Variants in MYO1H observed in about 807,000 individuals in gnomAD.
The protein encoded by MYO1H is unconventional myosin-Ih.
A neutral mutation model predicts 149.3 loss-of-function variants in MYO1H; 118 were observed. The ratio of observed to expected loss-of-function variants is 0.79; its 90% CI spans 0.68 to 0.92. The LOEUF is 0.92. Among genes scored for constraint, MYO1H ranks in the 40% least tolerant of loss-of-function variants. MYO1H has a pLI of 0.00. For synonymous variants in MYO1H, 447 were observed against 465.2 expected (o/e 0.96, Z 0.50); for missense variants, 1,212 against 1,280.7 (o/e 0.95, Z 0.82).
rs1483847511 is a variant in MYO1H, at chr12:109,395,634, C to A, written c.291-750C>A. 2.0e-5 allele frequency among the ~76,000 whole-genome samples: 3 copies of A among 151,936 alleles called. No homozygotes were observed. In the South Asian group the frequency reaches 6.2e-4, roughly 32 times the overall value. ...CTTATAATCCCAGCTACTCGGGAGA[C>A]CGTGGCATGAGAATCGCTTGAACTT... On this transcript the variant is annotated intron_variant, in intron 3 of 31. Transcript: ENST00000310903.
chr12:109,439,437 G>GC (rs1195580778), intron 23 of MYO1H, 194 bp from the exon 24 acceptor site: 2 of 479,674 alleles, frequency 4.2e-6, no homozygotes, highest in Non-Finnish European at 7.3e-6. Flanking sequence ...GCTAATTAAA[G>GC]CTCCTCAAAA....
chr12:109,432,736 C>T (rs1871685882), intron 19 of MYO1H, among the ~76,000 whole-genome samples, 161 bp from the exon 20 acceptor site: 1 of 152,172 alleles, frequency 6.6e-6, no homozygotes, highest in African/African-American at 2.4e-5. Flanking sequence ...TTGCAAAGTA[C>T]CCATCTTTGA....
At chr12:109,343,616 G>A (rs1403239641), upstream of MYO1H, among the ~76,000 whole-genome samples, 12 of 152,070 alleles carry the variant, frequency 7.9e-5, no homozygotes, top group Admixed American at 7.9e-4. Flanking sequence ...TAACAGAATC[G>A]AACGATCACA....
chr12:109,395,901 TTTG>T (rs200011746), intron 3 of MYO1H, among the ~76,000 whole-genome samples: 2 of 151,392 alleles, frequency 1.3e-5, no homozygotes, highest in East Asian at 2.0e-4. Context: ...GTTGGTTTGT[TTTG>T]TTGTTGTTGA....
intron 1 of MYO1H, among the ~76,000 whole-genome samples, chr12:109,386,994 TCGTGTGTG>T (rs1869349072): frequency 1.0e-5 from 1 of 96,230 alleles, no homozygotes; most frequent in South Asian, 3.8e-4. Context: ...CATCTCAAGT[TCGTGTGTG>T]TGTGTGTGTG....
At chr12:109,444,333 C>CAA (rs1327384423) in intron 29 of MYO1H, 50 bp downstream of exon 29, 14 of 1,581,868 alleles carry the variant, frequency 8.9e-6, no homozygotes, top group African/African-American at 2.7e-5. Flanking sequence ...AATACACTGC[C>CAA]AAAATGTTAA....
At chr12:109,424,724 G>A in intron 16 of MYO1H, 24 bp from the exon 17 acceptor site, 1 of 1,594,572 alleles carries the variant, frequency 6.3e-7, no homozygotes, top group South Asian at 1.1e-5. Flanking sequence ...AGCGAACGTG[G>A]TACTCATTTC....
At chr12:109,385,758 A>G (rs562836620) in intron 1 of MYO1H, among the ~76,000 whole-genome samples, 6 of 152,298 alleles carry the variant, frequency 3.9e-5, no homozygotes, top group African/African-American at 1.4e-4. Context: ...ATGCAAAGTA[A>G]ACAGAATAGT....
chr12:109,382,124 A>G (rs1869216800), intron 1 of MYO1H, among the ~76,000 whole-genome samples: 1 of 152,214 alleles, frequency 6.6e-6, no homozygotes, highest in South Asian at 2.1e-4. Flanking sequence ...GGTAGTGTGT[A>G]TCAGAAAACA....
chr12:109,324,513 C>T, the MYO1H span, among the ~76,000 whole-genome samples: 2 of 152,128 alleles, frequency 1.3e-5, no homozygotes, highest in African/African-American at 4.8e-5. Flanking sequence ...GATTAAGATG[C>T]TTTTGACAAA....
At chr12:109,418,444 G>A (rs937110279) in intron 15 of MYO1H, among the ~76,000 whole-genome samples, 1 of 151,930 alleles carries the variant, frequency 6.6e-6, no homozygotes, top group African/African-American at 2.4e-5. Flanking sequence ...TGCCTCCCGG[G>A]GTTCAAGCGA....
rs552433006 is a variant in MYO1H at position 109,430,527 on chromosome 12, G to C, written c.1950-2370G>C. Among the ~76,000 whole-genome samples the C allele has an allele frequency of 9.9e-5, 15 of 152,260 alleles. No homozygotes were observed. In the South Asian group the frequency reaches 2.7e-3, roughly 27 times the overall value. ...GACCCTATCTTCTCCAGCTTTCACTGGAGTTCAGGAAGCACACATCCTGCA... is the reference window on the plus strand; with the variant it reads ...GACCCTATCTTCTCCAGCTTTCACTCGAGTTCAGGAAGCACACATCCTGCA... On this transcript the variant is annotated intron_variant, in intron 19 of 31. Coordinates refer to ENST00000310903, the Ensembl canonical transcript of MYO1H.
At chr12:109,383,755 A>T (rs1483103847) in intron 1 of MYO1H, among the ~76,000 whole-genome samples, 2 of 152,236 alleles carry the variant, frequency 1.3e-5, no homozygotes, top group Admixed American at 1.3e-4. Flanking sequence ...AAGTCCACGG[A>T]ATAGCTGGCA....
intron 27 of MYO1H, among the ~76,000 whole-genome samples, 157 bp from the exon 28 acceptor site, chr12:109,443,355 TAC>T (rs10545297): frequency 0.18 from 13,462 of 74,642 alleles, 3,190 homozygotes; most frequent in African/African-American, 0.24. Flanking sequence ...TGTGTGTATA[TAC>T]ACACACACAC....
At chr12:109,431,600 G>A (rs183966275) in intron 19 of MYO1H, among the ~76,000 whole-genome samples, 30 of 152,278 alleles carry the variant, frequency 2.0e-4, no homozygotes, top group Admixed American at 5.9e-4. Context: ...TGGAACCCAG[G>A]CATTCTGTTT....
intron 2 of MYO1H, among the ~76,000 whole-genome samples, chr12:109,392,509 G>C (rs144069077): frequency 0.025 from 3,813 of 152,240 alleles, 156 homozygotes; most frequent in African/African-American, 0.086. Flanking sequence ...GATCGCCTGA[G>C]GTCAGGAGTT....
intron 21 of MYO1H, 109 bp from the exon 22 acceptor site, chr12:109,436,379 C>G (rs1235255410): frequency 4.0e-6 from 3 of 741,294 alleles, no homozygotes; most frequent in Non-Finnish European, 7.1e-6. Flanking sequence ...CACTACACCA[C>G]AGGACTTTGA....
chr12:109,369,103 T>C (rs1377065360), intron 1 of MYO1H, among the ~76,000 whole-genome samples: 1 of 152,116 alleles, frequency 6.6e-6, no homozygotes, highest in Non-Finnish European at 1.5e-5. Flanking sequence ...TTCTCCTGCC[T>C]CAGCCTCCCG....
At chr12:109,409,435 A>G (rs976923959) in intron 10 of MYO1H, 122 bp from the exon 11 acceptor site, 18 of 851,094 alleles carry the variant, frequency 2.1e-5, no homozygotes, top group East Asian at 9.8e-5. Flanking sequence ...GATTTTCCGC[A>G]TTGTTGGAGA....
Sources: allele counts gnomAD v4.1 joint callset (sites outside exome capture counted in the v4.1 genomes callset), GRCh38; gene constraint gnomAD v4.1.1; transcripts MANE v1.5; gene names NCBI Gene and HGNC (gene_info 2026-07-23, HGNC 2026-07-21).